The following SETBP1 variants were observed in gnomAD, a reference collection of about 807,000 sequenced individuals.
SETBP1 encodes SET binding protein 1, also known as SET-binding protein.
A neutral mutation model predicts 101.0 loss-of-function variants in SETBP1; 9 were observed. The observed-to-expected ratio is 0.09, with a 90% CI of 0.05 to 0.16. The LOEUF (loss-of-function observed/expected upper bound fraction) is 0.16. Among genes scored for constraint, SETBP1 ranks in the 10% least tolerant of loss-of-function variants. The probability of loss-of-function intolerance (pLI) is 1.00; values close to 1 mark genes in which losing one functional copy is unlikely to be tolerated. For synonymous variants in SETBP1, 818 were observed against 788.5 expected, an observed-to-expected ratio of 1.04 and a Z score of -0.63; for missense variants, 1,858 against 2,033.8, an observed-to-expected ratio of 0.91 and a Z score of 1.66.
intron 2 of SETBP1, among the ~76,000 whole-genome samples, chr18:44,782,741 AG>A (rs1450694165): frequency 1.3e-5 from 2 of 152,086 alleles, no homozygotes; most frequent in Non-Finnish European, 2.9e-5. Context: ...AAATATGTCT[AG>A]GTCAGTCTGG....
intron 3 of SETBP1, among the ~76,000 whole-genome samples, chr18:44,939,246 TCC>T (rs756215370): frequency 3.3e-5 from 5 of 151,964 alleles, no homozygotes; most frequent in Non-Finnish European, 7.4e-5. Context: ...CCAGCCCCGG[TCC>T]CCACCACACT....
Position 44,952,980 on chromosome 18 carries a change from C to T in SETBP1, c.3640C>T (p.His1214Tyr). The change falls in exon 4 of 6, where the codon CAC (histidine) becomes TAC (tyrosine). Residue 1214 changes from histidine to tyrosine, a missense_variant. His to Tyr is a moderately conservative substitution (Grantham distance 83). Transcript: ENST00000649279. ...NKHKEKQKHQ[H>Y]SEAGHKASKN... The stretch of plus-strand genomic sequence containing the variant: ...GCATAAGGAGAAACAGAAGCACCAG[C>T]ACAGCGAAGCCGGCCACAAAGCTTC... 1 of 1,614,154 alleles carries T rather than the reference C, an allele frequency of 6.2e-7. No homozygotes were observed. Among genetic ancestry groups the T allele is most frequent in the Non-Finnish European group, 8.5e-7 (1 of 1,180,038 alleles).
chr18:44,805,621 A>G (rs2071714769), intron 2 of SETBP1, among the ~76,000 whole-genome samples: 2 of 152,070 alleles, frequency 1.3e-5, no homozygotes, highest in Non-Finnish European at 1.5e-5. Context: ...ATGAATTTCC[A>G]TGGTCTGTTA....
In SETBP1 at chr18:44,710,225, C is replaced by T. The variant is rs141109245; in HGVS notation, c.486+8393C>T. Among the ~76,000 whole-genome samples, 254 of 152,230 alleles carry T rather than the reference C, an allele frequency of 1.7e-3. 1 individual carries two copies. Among genetic ancestry groups the T allele is most frequent in the African/African-American group, 5.8e-3 (239 of 41,550 alleles). On this transcript the variant is annotated intron_variant, in intron 2 of 5. Transcript: ENST00000649279. Reference sequence around the variant, plus strand: ...GCAAGTTTAAGTTAAAAACATCCTACCTTCAAGCTACAAAATGCAGCACAT... The same window carrying T: ...GCAAGTTTAAGTTAAAAACATCCTATCTTCAAGCTACAAAATGCAGCACAT...
chr18:44,826,025 C>T (rs945168113), intron 2 of SETBP1, among the ~76,000 whole-genome samples: 2 of 152,118 alleles, frequency 1.3e-5, no homozygotes, highest in African/African-American at 4.8e-5. Flanking sequence ...TTGCATAATA[C>T]CTGGAATTTA....
intron 3 of SETBP1, among the ~76,000 whole-genome samples, chr18:44,908,405 G>A (rs2036289447): frequency 6.6e-6 from 1 of 151,718 alleles, no homozygotes; most frequent in African/African-American, 2.4e-5. Flanking sequence ...TTCTTCTTTT[G>A]CATGTGTATA....
At chr18:44,691,637 T>A (rs756039681) in intron 1 of SETBP1, among the ~76,000 whole-genome samples, 1 of 152,188 alleles carries the variant, frequency 6.6e-6, no homozygotes, top group Non-Finnish European at 1.5e-5. Context: ...TCATCTCCTT[T>A]CCTTATCATA....
intron 3 of SETBP1, among the ~76,000 whole-genome samples, chr18:44,894,197 T>G (rs2069838229): frequency 6.6e-6 from 1 of 152,204 alleles, no homozygotes; most frequent in African/African-American, 2.4e-5. Flanking sequence ...CTCTCCAAGT[T>G]GTTCGCCAGA....
chr18:44,864,723 C>T (rs568600752), intron 2 of SETBP1, among the ~76,000 whole-genome samples: 2 of 152,172 alleles, frequency 1.3e-5, no homozygotes, highest in Admixed American at 6.5e-5. Flanking sequence ...TAGCTGGGAG[C>T]GGTGCGGACA....
At chr18:44,970,524 A>G (rs2071821470) in intron 4 of SETBP1, among the ~76,000 whole-genome samples, 1 of 152,206 alleles carries the variant, frequency 6.6e-6, no homozygotes, top group Non-Finnish European at 1.5e-5. Context: ...TCAATAGAAT[A>G]CATCACTGTT....
At chr18:44,871,816 G>A (rs1275348005) in intron 3 of SETBP1, 1 of 152,144 alleles carries the variant, frequency 6.6e-6, no homozygotes, top group African/African-American at 2.4e-5. Context: ...GTTTTCTAGG[G>A]TATTGTGTTT....
chr18:44,781,714 G>A lies in SETBP1; in HGVS notation c.486+79882G>A, dbSNP rs146412092. Among the ~76,000 whole-genome samples the A allele has an allele frequency of 8.5e-4, 129 of 152,316 alleles. 1 individual carries two copies. The highest frequency in any genetic ancestry group is 5.2e-3 in the East Asian group (27 of 5,186). On this transcript the variant is annotated intron_variant, in intron 2 of 5. Coordinates refer to ENST00000649279, the MANE Select transcript of SETBP1 (RefSeq NM_015559.3). ...AGTTTCCCAGATTTTGAACCCATGT[G>A]TTAGAGAGGATGGTACCACAATGCA...
At chr18:45,009,219 A>G (rs1233469530) in intron 4 of SETBP1, among the ~76,000 whole-genome samples, 4 of 151,952 alleles carry the variant, frequency 2.6e-5, no homozygotes, top group African/African-American at 9.7e-5. Context: ...GTTTGCCAAC[A>G]GGGAAGCTTG....
At chr18:44,698,725 A>G (rs76257614) in intron 1 of SETBP1, among the ~76,000 whole-genome samples, 2,366 of 152,348 alleles carry the variant, frequency 0.016, 20 homozygotes, top group South Asian at 0.019. Flanking sequence ...CTTACAGTAC[A>G]TATAAAGTTC....
At chr18:44,715,419 T>A (rs898482663) in intron 2 of SETBP1, among the ~76,000 whole-genome samples, 1 of 152,138 alleles carries the variant, frequency 6.6e-6, no homozygotes, top group Admixed American at 6.5e-5. Context: ...TTCTAAAGTG[T>A]CCTGGTTTGG....
In SETBP1 at chr18:44,721,862, A is replaced by G. The variant is rs78145993; in HGVS notation, c.486+20030A>G. Among the ~76,000 whole-genome samples the G allele has an allele frequency of 8.7e-3, 1,328 of 152,338 alleles. 15 individuals carry two copies. The highest frequency in any genetic ancestry group is 0.03 in the African/African-American group (1,264 of 41,560). Reference sequence around the variant, plus strand: ...GTTCTGGCAAATCTTGTTAGTGTCCATTGTAAGCAGAGAAGCTACCTAAGC... The same window carrying G: ...GTTCTGGCAAATCTTGTTAGTGTCCGTTGTAAGCAGAGAAGCTACCTAAGC... On this transcript the variant is annotated intron_variant, in intron 2 of 5. Coordinates refer to ENST00000649279, the MANE Select transcript of SETBP1 (RefSeq NM_015559.3).
chr18:44,955,856 G>A (rs2071469566), intron 4 of SETBP1, among the ~76,000 whole-genome samples: 1 of 152,156 alleles, frequency 6.6e-6, no homozygotes, highest in Admixed American at 6.5e-5. Context: ...CACAGTGATT[G>A]TGTGATGATT....
intron 4 of SETBP1, among the ~76,000 whole-genome samples, chr18:45,017,042 C>T (rs1189153546): frequency 2.0e-5 from 3 of 152,168 alleles, no homozygotes; most frequent in African/African-American, 7.2e-5. Flanking sequence ...CCTTTGTTTT[C>T]TTGCAAATGG....
At chr18:45,049,945 T>C (rs1406740087) in intron 5 of SETBP1, among the ~76,000 whole-genome samples, 2 of 152,228 alleles carry the variant, frequency 1.3e-5, no homozygotes, top group African/African-American at 2.4e-5. Flanking sequence ...CTTCTTTGCT[T>C]TCTTAAGGAA....
Sources: allele counts gnomAD v4.1 joint callset (sites outside exome capture counted in the v4.1 genomes callset), GRCh38; gene constraint gnomAD v4.1.1; transcripts MANE v1.5; gene names NCBI Gene and HGNC (gene_info 2026-07-23, HGNC 2026-07-21).